PTPRT: variants seen among roughly 807,000 people sequenced by gnomAD.
PTPRT encodes the protein receptor-type tyrosine-protein phosphatase T.
In PTPRT, 56 loss-of-function variants were observed where a neutral mutation model predicts 176.8. The observed-to-expected ratio is 0.32, with a 90% CI of 0.26 to 0.40. The LOEUF is 0.40. Among genes scored for constraint, PTPRT ranks in the 10% least tolerant of loss-of-function variants. The probability of loss-of-function intolerance (pLI) is 1.00; values close to 1 mark genes in which losing one functional copy is unlikely to be tolerated. For missense variants in PTPRT, 1,540 were observed against 1,908.2 expected, an observed-to-expected ratio of 0.81 and a Z score of 3.60; for synonymous variants, 783 against 739.0, an observed-to-expected ratio of 1.06 and a Z score of -0.96.
At chr20:42,168,685 T>C (rs1600623862) in intron 16 of PTPRT, among the ~76,000 whole-genome samples, 1 of 152,214 alleles carries the variant, frequency 6.6e-6, no homozygotes, top group African/African-American at 2.4e-5. Context: ...CAACCACAGG[T>C]AGTTTCCCCT....
intron 13 of PTPRT, chr20:42,270,585 A>G (rs1349846770): frequency 1.4e-6 from 1 of 691,374 alleles, no homozygotes; most frequent in Non-Finnish European, 2.5e-6. Context: ...CTAAATAGCA[A>G]AAGAACATCA....
intron 7 of PTPRT, among the ~76,000 whole-genome samples, chr20:42,566,565 C>T (rs754872400): frequency 4.6e-5 from 7 of 152,198 alleles, no homozygotes; most frequent in Non-Finnish European, 8.8e-5. Context: ...CCTAAAGTGC[C>T]TTGCAGGTGT....
At chr20:42,577,537 C>T (rs1601306566) in intron 7 of PTPRT, among the ~76,000 whole-genome samples, 1 of 152,168 alleles carries the variant, frequency 6.6e-6, no homozygotes, top group South Asian at 2.1e-4. Context: ...ATACTGCAGA[C>T]TGGGGATGTT....
chr20:42,321,957 C>T (rs1444105753), intron 11 of PTPRT, among the ~76,000 whole-genome samples: 87 of 152,076 alleles, frequency 5.7e-4, no homozygotes, highest in Non-Finnish European at 1.9e-4. Flanking sequence ...CCTGTAGTCC[C>T]AGCTTCTTAG....
At chr20:43,074,952 T>C (rs150072054) in intron 1 of PTPRT, among the ~76,000 whole-genome samples, 134 of 152,338 alleles carry the variant, frequency 8.8e-4, no homozygotes, top group South Asian at 4.1e-3. Flanking sequence ...ATGTGCTTAC[T>C]TCAACTGCGA....
chr20:42,714,708 T>C (rs1415433334), intron 6 of PTPRT, among the ~76,000 whole-genome samples: 1 of 152,208 alleles, frequency 6.6e-6, no homozygotes, highest in African/African-American at 2.4e-5. Context: ...CTTGGCTTTC[T>C]GCCTGGTGGT....
intron 1 of PTPRT, among the ~76,000 whole-genome samples, chr20:43,065,097 A>G (rs1477545006): frequency 6.6e-6 from 1 of 152,160 alleles, no homozygotes; most frequent in Non-Finnish European, 1.5e-5. Flanking sequence ...AGAAGAAACC[A>G]TCTCCTTCCC....
At chr20:42,682,284 A>C (rs1156400582) in intron 6 of PTPRT, among the ~76,000 whole-genome samples, 1 of 152,218 alleles carries the variant, frequency 6.6e-6, no homozygotes, top group Non-Finnish European at 1.5e-5. Context: ...TAAAAGTTAA[A>C]AAAAACAAAA....
intron 6 of PTPRT, among the ~76,000 whole-genome samples, chr20:42,714,102 C>T (rs2146208315): frequency 6.6e-6 from 1 of 152,280 alleles, no homozygotes; most frequent in African/African-American, 2.4e-5. Context: ...TCCCATGCAG[C>T]TGTTGGGTGA....
At position 42,493,407 on chromosome 20, in the gene PTPRT, G is replaced by A. The variant is rs375726006; in HGVS notation, c.1154-20845C>T. Among the ~76,000 whole-genome samples the A allele has an allele frequency of 3.1e-3, 467 of 152,140 alleles. 21 individuals are homozygous for A. In the South Asian group the frequency reaches 0.091, roughly 30 times the overall value. ...ACTCATCATCATTATTATTGTCTGG[G>A]TTAACATTTATTGAACTCTTCCTCT... On this transcript the variant is annotated intron_variant, in intron 7 of 30. Coordinates refer to ENST00000373187, the MANE Select transcript of PTPRT (RefSeq NM_007050.6).
chr20:42,950,599 G>T (rs1981177407), intron 1 of PTPRT, among the ~76,000 whole-genome samples: 1 of 152,138 alleles, frequency 6.6e-6, no homozygotes, highest in Non-Finnish European at 1.5e-5. Flanking sequence ...TTCTGGGGTG[G>T]TAACCAAGAT....
In PTPRT at chr20:42,161,354, C is replaced by G; in HGVS notation, c.2680G>C (p.Glu894Gln). 2 of 1,614,082 alleles carry G rather than the reference C, an allele frequency of 1.2e-6. No individual in the cohort carries two copies. The highest frequency in any genetic ancestry group is 1.1e-5 in the South Asian group (1 of 91,074). Reference protein sequence around the residue: ...GQGYGFKEEYEALPEGQTASW... With the variant: ...GQGYGFKEEYQALPEGQTASW... ...TTCCCCACAGGCTGGTCTCTTACCT[C>G]GTATTCCTCCTTGAACCCGTAGCCC... Residue 894 changes from glutamate (E) to glutamine (Q), a missense_variant and splice_region_variant, in exon 17 of 31, where the codon GAG becomes CAG. This residue lies in a region of PTPRT where 248 missense variants were observed against 356.7 expected (regional missense o/e 0.70). Coordinates refer to ENST00000373187, the MANE Select transcript of PTPRT (RefSeq NM_007050.6).
chr20:42,567,769 A>G (rs920532527), intron 7 of PTPRT, among the ~76,000 whole-genome samples: 4 of 152,216 alleles, frequency 2.6e-5, no homozygotes, highest in African/African-American at 9.6e-5. Flanking sequence ...CAAAGTATTT[A>G]TTGAACAACA....
chr20:42,352,243 G>A lies in PTPRT; in HGVS notation c.1603C>T (p.Leu535Phe), dbSNP rs2145525027. 1 of 1,614,140 alleles carries A rather than the reference G, an allele frequency of 6.2e-7. No individual in the cohort carries two copies. The highest frequency in any genetic ancestry group is 8.5e-7 in the Non-Finnish European group (1 of 1,180,018). The change falls in exon 10 of 31, where the codon CTC (leucine) becomes TTC (phenylalanine). Residue 535 changes from leucine to phenylalanine, a missense_variant. Transcript: ENST00000373187. ...AVGSLDPSAD[L>F]SSQRGKVFKL... ...AACACTTTCCCCCTCTGGCTCGAGAGGTCAGCACTTGGGTCCAGCGAGCCG... is the reference window on the plus strand; with the variant it reads ...AACACTTTCCCCCTCTGGCTCGAGAAGTCAGCACTTGGGTCCAGCGAGCCG...
intron 9 of PTPRT, among the ~76,000 whole-genome samples, chr20:42,443,131 C>A (rs915644674): frequency 2.0e-5 from 3 of 152,204 alleles, no homozygotes; most frequent in Admixed American, 6.5e-5. Flanking sequence ...ATTAAATGAT[C>A]ACGTTATTCA....
intron 11 of PTPRT, among the ~76,000 whole-genome samples, chr20:42,328,562 C>A (rs1173421611): frequency 1.3e-5 from 2 of 152,006 alleles, no homozygotes; most frequent in African/African-American, 2.4e-5. Flanking sequence ...AAAGTACGAT[C>A]ATATAAGTAG....
chr20:43,120,078 A>G (rs1037950091), intron 1 of PTPRT, among the ~76,000 whole-genome samples: 3 of 152,100 alleles, frequency 2.0e-5, no homozygotes, highest in Non-Finnish European at 4.4e-5. Context: ...TAGTGCTGGG[A>G]TTATAGGTGT....
At chr20:42,856,775 G>A (rs1462785796) in intron 2 of PTPRT, among the ~76,000 whole-genome samples, 12 of 152,010 alleles carry the variant, frequency 7.9e-5, no homozygotes, top group Non-Finnish European at 5.9e-5. Context: ...CCAAGTTCAC[G>A]TATTTATTAA....
chr20:42,848,569 T>C (rs1382611811), intron 2 of PTPRT, among the ~76,000 whole-genome samples: 1 of 152,258 alleles, frequency 6.6e-6, no homozygotes, highest in Non-Finnish European at 1.5e-5. Context: ...ATTTCCCTTA[T>C]CATTAGTGAT....
Sources: allele counts gnomAD v4.1 joint callset (sites outside exome capture counted in the v4.1 genomes callset), GRCh38; gene constraint gnomAD v4.1.1; regional missense constraint gnomAD v4.1.1; transcripts MANE v1.5; gene names NCBI Gene and HGNC (gene_info 2026-07-23, HGNC 2026-07-21).